The following CNTN1 variants were observed in gnomAD, a reference collection of about 807,000 sequenced individuals.
CNTN1 encodes the protein contactin 1, also known as contactin-1.
In CNTN1, 38 loss-of-function variants were observed where a neutral mutation model predicts 126.4. The ratio of observed to expected loss-of-function variants is 0.30; its 90% CI spans 0.23 to 0.39. The LOEUF (loss-of-function observed/expected upper bound fraction) is 0.39. Among genes scored for constraint, CNTN1 ranks in the 10% least tolerant of loss-of-function variants. The probability of loss-of-function intolerance (pLI) is 1.00; values close to 1 mark genes in which losing one functional copy is unlikely to be tolerated. For missense variants in CNTN1, 1,009 were observed against 1,248.4 expected, an observed-to-expected ratio of 0.81 and a Z score of 2.89; for synonymous variants, 413 against 422.6, an observed-to-expected ratio of 0.98 and a Z score of 0.28.
intron 17 of CNTN1, among the ~76,000 whole-genome samples, chr12:41,010,891 C>A (rs1948634523): frequency 6.6e-6 from 1 of 152,056 alleles, no homozygotes; most frequent in African/African-American, 2.4e-5. Flanking sequence ...GAACTGCTTC[C>A]CTTCCTATCG....
At chr12:40,933,084 C>A (rs1945950191) in intron 7 of CNTN1, among the ~76,000 whole-genome samples, 1 of 151,652 alleles carries the variant, frequency 6.6e-6, no homozygotes, top group Admixed American at 6.6e-5. Flanking sequence ...TTGCGTCTTT[C>A]TTTTCTACTC....
At chr12:41,018,224 A>G (rs897647106) in intron 19 of CNTN1, among the ~76,000 whole-genome samples, 4 of 152,168 alleles carry the variant, frequency 2.6e-5, no homozygotes, top group African/African-American at 9.7e-5. Flanking sequence ...CCCTTGGCCA[A>G]GTTTCTCTTT....
At chr12:40,842,641 T>C (rs1373469006) in intron 1 of CNTN1, among the ~76,000 whole-genome samples, 2 of 152,130 alleles carry the variant, frequency 1.3e-5, no homozygotes, top group African/African-American at 4.8e-5. Context: ...AAATATTAAG[T>C]AGTAGAGTCT....
intron 14 of CNTN1, among the ~76,000 whole-genome samples, chr12:40,945,945 A>C (rs1016919360): frequency 2.0e-5 from 3 of 152,102 alleles, no homozygotes; most frequent in African/African-American, 7.2e-5. Flanking sequence ...CCATCAAATA[A>C]TGATCTGACA....
chr12:40,812,763 G>A (rs571550057), intron 1 of CNTN1, among the ~76,000 whole-genome samples: 1 of 151,920 alleles, frequency 6.6e-6, no homozygotes, highest in East Asian at 1.9e-4. Context: ...CCTTCACTTT[G>A]TATGTGCCCT....
chr12:40,800,627 A>G (rs539490413), intron 1 of CNTN1, among the ~76,000 whole-genome samples: 5 of 152,140 alleles, frequency 3.3e-5, no homozygotes, highest in African/African-American at 9.6e-5. Flanking sequence ...GAGTACAGAC[A>G]TAGATCATAC....
chr12:40,906,816 T>A (rs1030884011), intron 1 of CNTN1, among the ~76,000 whole-genome samples: 3 of 151,678 alleles, frequency 2.0e-5, no homozygotes, highest in Non-Finnish European at 2.9e-5. Context: ...GTAGCTGGGA[T>A]ACAGGCATGC....
intron 1 of CNTN1, chr12:40,896,157 C>T (rs1315742785): frequency 1.3e-5 from 2 of 152,140 alleles, no homozygotes; most frequent in Non-Finnish European, 2.9e-5. Context: ...CCTAAATCTT[C>T]TGAACACACA....
chr12:40,826,698 C>G (rs1941623904), intron 1 of CNTN1, among the ~76,000 whole-genome samples: 1 of 152,126 alleles, frequency 6.6e-6, no homozygotes, highest in African/African-American at 2.4e-5. Context: ...TGAAAATGAC[C>G]ATGATGACAC....
intron 1 of CNTN1, among the ~76,000 whole-genome samples, chr12:40,842,285 A>G (rs762384620): frequency 5.3e-5 from 8 of 152,134 alleles, no homozygotes; most frequent in Non-Finnish European, 7.4e-5. Flanking sequence ...CCTCTAAAAT[A>G]TGTATTGTTA....
intron 1 of CNTN1, among the ~76,000 whole-genome samples, chr12:40,746,271 T>C (rs60345514): frequency 0.062 from 9,377 of 152,186 alleles, 381 homozygotes; most frequent in East Asian, 0.19. Flanking sequence ...TCAAATAATC[T>C]TGGCTATTCC....
chr12:40,822,734 A>G (rs1023048987), intron 1 of CNTN1, among the ~76,000 whole-genome samples: 1 of 152,182 alleles, frequency 6.6e-6, no homozygotes, highest in Admixed American at 6.5e-5. Flanking sequence ...ATAAGGTAAT[A>G]GCATCTTCTT....
chr12:40,705,655 A>G (rs560362058), intron 1 of CNTN1, among the ~76,000 whole-genome samples: 74 of 152,240 alleles, frequency 4.9e-4, no homozygotes, highest in African/African-American at 1.5e-3. Context: ...AGCATTAGGT[A>G]TATCTCCCAT....
chr12:40,822,513 A>C (rs576156754), intron 1 of CNTN1, among the ~76,000 whole-genome samples: 2 of 152,158 alleles, frequency 1.3e-5, no homozygotes, highest in East Asian at 3.9e-4. Context: ...TTTCTTCCTC[A>C]ACATTAAGCT....
At chr12:41,009,040 G>T (rs1456122861) in intron 17 of CNTN1, among the ~76,000 whole-genome samples, 1 of 152,136 alleles carries the variant, frequency 6.6e-6, no homozygotes, top group Admixed American at 6.5e-5. Context: ...TGCATATCCT[G>T]CCTTCTGTAC....
chr12:40,756,945 T>G (rs1938634307), intron 1 of CNTN1, among the ~76,000 whole-genome samples: 1 of 152,136 alleles, frequency 6.6e-6, no homozygotes, highest in African/African-American at 2.4e-5. Context: ...TACAGCCACA[T>G]AGTAATCAGT....
intron 1 of CNTN1, among the ~76,000 whole-genome samples, chr12:40,845,895 T>TA (rs766290349): frequency 6.6e-6 from 1 of 151,990 alleles, no homozygotes; most frequent in South Asian, 2.1e-4. Flanking sequence ...TCAAAAACAA[T>TA]AAAAAATGAA....
chr12:40,962,791 G>A (rs1018588043), intron 15 of CNTN1, among the ~76,000 whole-genome samples: 1 of 152,058 alleles, frequency 6.6e-6, no homozygotes, highest in African/African-American at 2.4e-5. Flanking sequence ...CTCCAGCTCT[G>A]CAAACAACTT....
At chr12:41,021,036 G>T (rs1376953088) in intron 20 of CNTN1, among the ~76,000 whole-genome samples, 1 of 152,190 alleles carries the variant, frequency 6.6e-6, no homozygotes, top group African/African-American at 2.4e-5. Context: ...AGAGAGATTA[G>T]TTAGGGTCTT....
Sources: gnomAD v4.1 joint callset for allele counts (sites outside exome capture counted in the v4.1 genomes callset) on GRCh38, gnomAD v4.1.1 for gene constraint, MANE v1.5 for transcripts, NCBI Gene and HGNC (gene_info 2026-07-23, HGNC 2026-07-21) for gene names.